SLC36A1: variants seen among roughly 807,000 people sequenced by gnomAD.
The protein encoded by SLC36A1 is solute carrier family 36 member 1.
SLC36A1 carries 30 observed loss-of-function variants against 47.5 expected under a neutral mutation model. The ratio of observed to expected loss-of-function variants is 0.63; its 90% CI spans 0.47 to 0.86. The LOEUF (loss-of-function observed/expected upper bound fraction) is 0.86. Ranked by LOEUF, SLC36A1 falls within the 40% of genes least tolerant of loss-of-function variation. The pLI, the probability that SLC36A1 is intolerant of heterozygous loss-of-function variation, is 0.00. For synonymous variants in SLC36A1, 255 were observed against 249.7 expected, an observed-to-expected ratio of 1.02 and a Z score of -0.20; for missense variants, 517 against 606.0, an observed-to-expected ratio of 0.85 and a Z score of 1.54.
At chr5:151,467,321 C>T (rs61191955) in intron 6 of SLC36A1, 38 bp downstream of exon 6, 1 of 763,466 alleles carries the variant, frequency 1.3e-6, no homozygotes, top group Non-Finnish European at 2.0e-6. Flanking sequence ...AAAAAAAAAA[C>T]CAGAGCGAGA....
the SLC36A1 span, among the ~76,000 whole-genome samples, chr5:151,356,518 G>A: frequency 1.3e-5 from 2 of 151,984 alleles, no homozygotes; most frequent in African/African-American, 4.8e-5. Flanking sequence ...TAGGAACTAC[G>A]TGTGTTGGGC....
At chr5:151,421,982 AG>A in the SLC36A1 span, among the ~76,000 whole-genome samples, 5 of 152,236 alleles carry the variant, frequency 3.3e-5, no homozygotes, top group African/African-American at 1.2e-4. Flanking sequence ...TGGAAACTGC[AG>A]GAAAAAAACA....
the SLC36A1 span, among the ~76,000 whole-genome samples, chr5:151,501,280 T>A: frequency 1.4e-4 from 22 of 152,130 alleles, no homozygotes; most frequent in South Asian, 4.1e-4. Context: ...GGGCTTGGAA[T>A]CAAACCTGTT....
the SLC36A1 span, among the ~76,000 whole-genome samples, chr5:151,524,074 T>A: frequency 6.6e-6 from 1 of 152,174 alleles, no homozygotes; most frequent in African/African-American, 2.4e-5. Flanking sequence ...TATCTCCAGC[T>A]TGGATGACTT....
At chr5:151,549,043 G>A in the SLC36A1 span, among the ~76,000 whole-genome samples, 1 of 152,092 alleles carries the variant, frequency 6.6e-6, no homozygotes, top group African/African-American at 2.4e-5. Flanking sequence ...TTGGTCACTG[G>A]TGGGTTTATA....
chr5:151,543,011 C>T, the SLC36A1 span: 4 of 1,614,252 alleles, frequency 2.5e-6, no homozygotes, highest in Admixed American at 6.7e-5. Flanking sequence ...TCAGACCCCT[C>T]TGGAAGGTCT....
chr5:151,467,274 C>T lies in SLC36A1; in HGVS notation c.495C>T (p.Asn165=). Residue 165 remains asparagine (N), a synonymous_variant, in exon 6 of 11, where the codon AAC becomes AAT. Coordinates refer to ENST00000243389, the MANE Select transcript of SLC36A1 (RefSeq NM_078483.4). ...CCVYFVFLAD[N]FKQVIEAANG... ...TCTATTTTGTGTTTCTGGCTGACAACTTTAAACAGGTAGGCACCTGGTTAA... is the reference window on the plus strand; with the variant it reads ...TCTATTTTGTGTTTCTGGCTGACAATTTTAAACAGGTAGGCACCTGGTTAA... The T allele has an allele frequency of 6.6e-7, 1 of 1,513,666 alleles. No individual in the cohort carries two copies. Among genetic ancestry groups the T allele is most frequent in the East Asian group, 2.4e-5 (1 of 41,680 alleles). The allele number at this position is 1,513,666 out of a possible 1,614,324, so 93.8% of individuals were successfully genotyped here.
intron 10 of SLC36A1, among the ~76,000 whole-genome samples, chr5:151,486,705 T>G (rs1280942286): frequency 1.3e-5 from 2 of 152,176 alleles, no homozygotes; most frequent in Non-Finnish European, 2.9e-5. Context: ...AACCCTCTCG[T>G]AGGAATCAAT....
At chr5:151,532,567 A>G in the SLC36A1 span, among the ~76,000 whole-genome samples, 3 of 152,244 alleles carry the variant, frequency 2.0e-5, no homozygotes, top group African/African-American at 7.2e-5. Context: ...TGAAGAGGGC[A>G]CACAGTCCCC....
the SLC36A1 span, chr5:151,517,510 G>T: frequency 7.5e-7 from 1 of 1,336,162 alleles, no homozygotes; most frequent in Non-Finnish European, 1.0e-6. Flanking sequence ...TGAAAACTGT[G>T]CAGGGATTTC....
At chr5:151,405,666 G>C in the SLC36A1 span, among the ~76,000 whole-genome samples, 29 of 152,124 alleles carry the variant, frequency 1.9e-4, no homozygotes, top group African/African-American at 6.5e-4. Context: ...TTCTCATGCT[G>C]ATTCCTTCTC....
chr5:151,502,008 T>C, the SLC36A1 span, among the ~76,000 whole-genome samples: 22 of 148,404 alleles, frequency 1.5e-4, 3 homozygotes, highest in African/African-American at 5.6e-4. Context: ...AAGCCAGACT[T>C]CCTTAAAATT....
the SLC36A1 span, chr5:151,511,550 T>C: frequency 6.5e-6 from 1 of 153,230 alleles, no homozygotes; most frequent in Admixed American, 6.5e-5. Flanking sequence ...CCTGCAGCAT[T>C]GATGATGGAG....
At chr5:151,370,934 A>G in the SLC36A1 span, among the ~76,000 whole-genome samples, 1 of 152,206 alleles carries the variant, frequency 6.6e-6, no homozygotes, top group East Asian at 1.9e-4. Flanking sequence ...CGGAGGTTGC[A>G]GTGAGCCAAG....
the SLC36A1 span, chr5:151,542,575 T>A: frequency 6.2e-7 from 1 of 1,614,208 alleles, no homozygotes; most frequent in Non-Finnish European, 8.5e-7. Flanking sequence ...ACTCTCACTG[T>A]CAATGGCAAA....
chr5:151,462,374 CTTT>C (rs34114557), intron 2 of SLC36A1, among the ~76,000 whole-genome samples: 1 of 140,836 alleles, frequency 7.1e-6, no homozygotes, highest in Non-Finnish European at 1.6e-5. Context: ...TTTTTTTTTT[CTTT>C]TTTTTTTGAG....
the SLC36A1 span, chr5:151,380,722 G>A: frequency 1.8e-6 from 1 of 546,442 alleles, no homozygotes; most frequent in South Asian, 1.4e-5. Flanking sequence ...GATGTCCATC[G>A]ACCTCATCCA....
the SLC36A1 span, chr5:151,543,570 A>G: frequency 6.2e-7 from 1 of 1,614,164 alleles, no homozygotes; most frequent in Non-Finnish European, 8.5e-7. Context: ...TATTGATGAT[A>G]GTATAATCTA....
At chr5:151,356,337 C>CAAAAAA in the SLC36A1 span, among the ~76,000 whole-genome samples, 2 of 27,726 alleles carry the variant, frequency 7.2e-5, no homozygotes, top group Admixed American at 5.7e-4. Context: ...GGCTCTGTCT[C>CAAAAAA]ACAAAAAAAA....
Sources: gnomAD v4.1 joint callset for allele counts (sites outside exome capture counted in the v4.1 genomes callset) on GRCh38, gnomAD v4.1.1 for gene constraint, MANE v1.5 for transcripts, NCBI Gene and HGNC (gene_info 2026-07-23, HGNC 2026-07-21) for gene names.